The following RIN3 variants were observed in gnomAD, a reference collection of about 807,000 sequenced individuals.
RIN3 encodes Ras and Rab interactor 3, also known as RAB5 interacting protein 3.
RIN3 carries 54 observed loss-of-function variants against 76.3 expected under a neutral mutation model. The ratio of observed to expected loss-of-function variants is 0.71; its 90% CI spans 0.57 to 0.89. The LOEUF (loss-of-function observed/expected upper bound fraction) is 0.89, where lower values mean the gene tolerates loss of function less well. RIN3 is among the 40% of genes least tolerant of loss of function. The pLI is 0.00. For missense variants in RIN3, 1,256 were observed against 1,322.1 expected, an observed-to-expected ratio of 0.95 and a Z score of 0.78; for synonymous variants, 576 against 564.0, an observed-to-expected ratio of 1.02 and a Z score of -0.30.
At chr14:92,572,251 C>T (rs1898079332) in intron 2 of RIN3, among the ~76,000 whole-genome samples, 2 of 152,178 alleles carry the variant, frequency 1.3e-5, no homozygotes, top group Admixed American at 6.5e-5. Context: ...TGGGAGGGGC[C>T]GCATGCGCAG....
intron 2 of RIN3, among the ~76,000 whole-genome samples, chr14:92,573,300 C>G (rs924550209): frequency 1.3e-5 from 2 of 152,100 alleles, no homozygotes; most frequent in Admixed American, 1.3e-4. Flanking sequence ...GTGAGGACAG[C>G]TCCAAAAAAT....
At position 92,648,544 on chromosome 14, in the gene RIN3, C is replaced by G. The variant is rs950019948; in HGVS notation, c.533-3038C>G. ...GTCCCCATCTTGCCCTTGAAACTAA[C>G]CTTGCCTGTGTCCCCTTCCTCAGAG... On this transcript the variant is annotated intron_variant, in intron 5 of 9. Transcript: ENST00000216487. The surrounding 1 kb of genome is among the most constrained non-coding windows in gnomAD (Gnocchi z 4.1). 6.6e-6 allele frequency among the ~76,000 whole-genome samples: 1 copy of G among 152,120 alleles called. No individual in the cohort carries two copies. The highest frequency in any genetic ancestry group is 1.5e-5 in the Non-Finnish European group (1 of 68,038).
At chr14:92,527,629 C>T (rs957217021) in intron 1 of RIN3, among the ~76,000 whole-genome samples, 1 of 151,918 alleles carries the variant, frequency 6.6e-6, no homozygotes, top group Non-Finnish European at 1.5e-5. Context: ...ACAGAAAATT[C>T]CATCACCCTC....
intron 3 of RIN3, among the ~76,000 whole-genome samples, chr14:92,578,109 A>G (rs1368186019): frequency 6.6e-6 from 1 of 151,858 alleles, no homozygotes; most frequent in Non-Finnish European, 1.5e-5. Context: ...GGTGGCATGC[A>G]CCTGTGGTCC....
chr14:92,515,197 G>A (rs749329364), intron 1 of RIN3: 2 of 687,218 alleles, frequency 2.9e-6, no homozygotes, highest in South Asian at 1.5e-5. Context: ...TCTTTCTCTC[G>A]AAAGCGACCT....
intron 4 of RIN3, among the ~76,000 whole-genome samples, chr14:92,619,383 C>T (rs1886087479): frequency 1.3e-5 from 2 of 151,108 alleles, no homozygotes; most frequent in South Asian, 4.2e-4. Context: ...AAAAAACACA[C>T]ACACATTCTA....
At chr14:92,555,035 T>C (rs1348141999) in intron 1 of RIN3, among the ~76,000 whole-genome samples, 5 of 152,238 alleles carry the variant, frequency 3.3e-5, no homozygotes, top group African/African-American at 2.4e-5. Context: ...ACAGCACTTG[T>C]CAGTTCAGAC....
At chr14:92,673,286 G>A (rs1481743072) in intron 7 of RIN3, among the ~76,000 whole-genome samples, 1 of 152,138 alleles carries the variant, frequency 6.6e-6, no homozygotes, top group African/African-American at 2.4e-5. Flanking sequence ...ACAAGTGATG[G>A]ACAAGTGGAG....
At chr14:92,608,700 A>C (rs1054640097) in intron 3 of RIN3, among the ~76,000 whole-genome samples, 1 of 151,980 alleles carries the variant, frequency 6.6e-6, no homozygotes, top group Non-Finnish European at 1.5e-5. Context: ...ATGCCCAGCT[A>C]ATTTTTGTAT....
chr14:92,590,014 A>G (rs184260801), intron 3 of RIN3, among the ~76,000 whole-genome samples: 3 of 152,348 alleles, frequency 2.0e-5, no homozygotes, highest in Admixed American at 2.0e-4. Context: ...CAAAACTCCC[A>G]TGGGAACCAG....
chr14:92,665,224 T>C (rs1280930373), intron 7 of RIN3, among the ~76,000 whole-genome samples: 1 of 152,194 alleles, frequency 6.6e-6, no homozygotes, highest in Non-Finnish European at 1.5e-5. Context: ...TGGCAACTAT[T>C]TGTGTATCTG....
Position 92,607,574 on chromosome 14 carries a change from A to T in RIN3, c.368-7833A>T, listed in dbSNP as rs540613007. Among the ~76,000 whole-genome samples the T allele has an allele frequency of 2.0e-5, 3 of 152,302 alleles. No homozygotes were observed. In the South Asian group the frequency reaches 6.2e-4, roughly 32 times the overall value. The stretch of plus-strand genomic sequence containing the variant: ...CAGTGAGCCGTGATGGCACTACTGC[A>T]CTCCAGCCTGGGCAACAGAGTGAGA... On this transcript the variant is annotated intron_variant, in intron 3 of 9. Coordinates refer to ENST00000216487, the MANE Select transcript of RIN3 (RefSeq NM_024832.5).
chr14:92,551,705 CTT>C (rs1400264170), intron 1 of RIN3, among the ~76,000 whole-genome samples: 1 of 152,154 alleles, frequency 6.6e-6, no homozygotes. Context: ...TGACTAATGA[CTT>C]TGAGCATTTT....
intron 8 of RIN3, among the ~76,000 whole-genome samples, chr14:92,682,526 T>C (rs1199345361): frequency 6.6e-6 from 1 of 152,196 alleles, no homozygotes; most frequent in Admixed American, 6.5e-5. Context: ...TCTTAGCATG[T>C]GGGGCCTTTG....
In RIN3 at chr14:92,525,738, C is replaced by T. The variant is rs182200971; in HGVS notation, c.44+11762C>T. On this transcript the variant is annotated intron_variant, in intron 1 of 9. Coordinates refer to ENST00000216487, the MANE Select transcript of RIN3 (RefSeq NM_024832.5). Reference sequence around the variant, plus strand: ...CCCTCAGCCATAGACTCTCAGGCAGCGTCAGGCCCTGGAGCCCCGCTGTGG... The same window carrying T: ...CCCTCAGCCATAGACTCTCAGGCAGTGTCAGGCCCTGGAGCCCCGCTGTGG... Among the ~76,000 whole-genome samples, 12 of 152,304 alleles carry T rather than the reference C, an allele frequency of 7.9e-5. No homozygotes were observed. In the South Asian group the frequency reaches 8.3e-4, roughly 11 times the overall value.
intron 4 of RIN3, among the ~76,000 whole-genome samples, chr14:92,635,203 C>T (rs1566878579): frequency 6.6e-6 from 1 of 152,226 alleles, no homozygotes; most frequent in East Asian, 1.9e-4. Flanking sequence ...CCCATCTTCA[C>T]ACCCTGCTAA....
chr14:92,687,969 G>A lies in RIN3; in HGVS notation c.2675G>A (p.Arg892Gln). The A allele has an allele frequency of 6.4e-7, 1 of 1,557,580 alleles. No homozygotes were observed. The highest frequency in any genetic ancestry group is 1.2e-5 in the South Asian group (1 of 85,234). Residue 892 changes from arginine (R) to glutamine (Q), a missense_variant, in exon 10 of 10, where the codon CGG (arginine) becomes CAG (glutamine). By Grantham distance (43) the Arg-to-Gln change is conservative (BLOSUM62 1). This residue lies in a region of RIN3 where 218 missense variants were observed against 174.5 expected (regional missense o/e 1.25). Coordinates refer to ENST00000216487, the MANE Select transcript of RIN3 (RefSeq NM_024832.5). ...TACCTGGAGCCCGAGCAGCAGGCGCGGACGCTGGCGTCGCGGGCGGACACC... is the reference window on the plus strand; with the variant it reads ...TACCTGGAGCCCGAGCAGCAGGCGCAGACGCTGGCGTCGCGGGCGGACACC... The part of the protein sequence containing the change: ...VSYLEPEQQA[R>Q]TLASRADTQA...
intron 3 of RIN3, among the ~76,000 whole-genome samples, chr14:92,603,449 A>G (rs1885415193): frequency 6.6e-6 from 1 of 152,112 alleles, no homozygotes; most frequent in African/African-American, 2.4e-5. Flanking sequence ...GGAGGCCTTC[A>G]GCTTTTGTGC....
At chr14:92,544,966 G>A (rs1196960065) in intron 1 of RIN3, among the ~76,000 whole-genome samples, 1 of 152,016 alleles carries the variant, frequency 6.6e-6, no homozygotes, top group Non-Finnish European at 1.5e-5. Context: ...CCACAAACAG[G>A]TATAGAACTG....
Sources: allele counts gnomAD v4.1 joint callset (sites outside exome capture counted in the v4.1 genomes callset), GRCh38; gene constraint gnomAD v4.1.1; regional missense constraint gnomAD v4.1.1; non-coding constraint Gnocchi (gnomAD v3.1); transcripts MANE v1.5; gene names NCBI Gene and HGNC (gene_info 2026-07-23, HGNC 2026-07-21).